The following ADCY10 variants were observed in gnomAD, a reference collection of about 807,000 sequenced individuals.
ADCY10 encodes the protein adenylate cyclase 10.
A neutral mutation model predicts 183.3 loss-of-function variants in ADCY10; 156 were observed. That is an observed-to-expected ratio of 0.85 (90% CI 0.75 to 0.97). The LOEUF is 0.97. Among genes scored for constraint, ADCY10 ranks in the 50% least tolerant of loss-of-function variants. The pLI, the probability that ADCY10 is intolerant of heterozygous loss-of-function variation, is 0.00. For synonymous variants in ADCY10, 645 were observed against 670.0 expected (o/e 0.96, Z 0.58); for missense variants, 1,745 against 1,934.3 (o/e 0.90, Z 1.84).
chr1:167,870,396 T>A lies in ADCY10; in HGVS notation c.1477A>T (p.Ile493Phe). Residue 493 changes from isoleucine to phenylalanine, a missense_variant, in exon 14 of 33, where the codon ATC becomes TTC. Transcript: ENST00000367851. The part of the protein sequence containing the change: ...DYPLLGRNKE[I>F]NYFMYTMKKF... ...TTCATAGTATACATGAAGTAGTTGA[T>A]CTCTTTATTACGTCCTGTTATTTTT... 6.2e-7 allele frequency: 1 copy of A among 1,610,014 alleles called. No homozygotes were observed. The highest frequency in any genetic ancestry group is 8.5e-7 in the Non-Finnish European group (1 of 1,176,560).
chr1:167,854,039 A>G (rs1427415992), intron 18 of ADCY10, among the ~76,000 whole-genome samples: 2 of 151,812 alleles, frequency 1.3e-5, no homozygotes, highest in Non-Finnish European at 2.9e-5. Context: ...GGGTTTCACC[A>G]TGTTGGCCAG....
intron 30 of ADCY10, among the ~76,000 whole-genome samples, chr1:167,819,079 C>T (rs1662708356): frequency 6.6e-6 from 1 of 151,916 alleles, no homozygotes; most frequent in African/African-American, 2.4e-5. Flanking sequence ...AGTTAACAAG[C>T]TCTCCAGGTG....
Position 167,854,375 on chromosome 1 carries a change from A to G in ADCY10, c.2286T>C (p.Asn762=), listed in dbSNP as rs773912746. The part of the protein sequence containing the change: ...FQQTESEEKT[N]RTWNNLFKYS... The stretch of plus-strand genomic sequence containing the variant: ...TACTGAACAGGTTATTCCAGGTCCT[A>G]TTTGTCTTTTCCTCAGACTCCGTTT... The change falls in exon 18 of 33, where the codon AAT becomes AAC. Residue 762 remains asparagine (N), a synonymous_variant. Transcript: ENST00000367851. The G allele has an allele frequency of 1.4e-5, 23 of 1,613,974 alleles. No individual in the cohort carries two copies. The highest frequency in any genetic ancestry group is 1.9e-5 in the Non-Finnish European group (22 of 1,179,996).
intron 21 of ADCY10, among the ~76,000 whole-genome samples, chr1:167,838,893 C>T (rs1241212171): frequency 6.6e-6 from 1 of 152,208 alleles, no homozygotes; most frequent in Non-Finnish European, 1.5e-5. Flanking sequence ...TCCATTTTCT[C>T]AAGACAAAAA....
chr1:167,879,147 C>T (rs1380164452), intron 11 of ADCY10, among the ~76,000 whole-genome samples: 2 of 152,190 alleles, frequency 1.3e-5, no homozygotes, highest in Admixed American at 6.5e-5. Flanking sequence ...GCAGACTGTG[C>T]AGGGTTGAAC....
intron 26 of ADCY10, among the ~76,000 whole-genome samples, chr1:167,827,727 T>G (rs949452181): frequency 6.6e-6 from 1 of 151,886 alleles, no homozygotes. Flanking sequence ...AAATTTTTTT[T>G]TTTGAGTTGG....
At position 167,904,985 on chromosome 1, in the gene ADCY10, G is replaced by T; in HGVS notation, c.148+8C>A. 1 of 1,614,170 alleles carries T rather than the reference G, an allele frequency of 6.2e-7. No homozygotes were observed. The highest frequency in any genetic ancestry group is 2.2e-5 in the East Asian group (1 of 44,878). ...TCCACATTAAACAAACATCCCTTTT[G>T]CACTTGCCTGAAATATCAACAAACA... On this transcript the variant is annotated splice_region_variant and intron_variant, in intron 2 of 32. Coordinates refer to ENST00000367851, the MANE Select transcript of ADCY10 (RefSeq NM_018417.6).
At chr1:167,901,902 C>T in intron 4 of ADCY10, 97 bp from the exon 5 acceptor site, 2 of 1,609,638 alleles carry the variant, frequency 1.2e-6, no homozygotes, top group Non-Finnish European at 1.7e-6. Context: ...AAGCATTCCT[C>T]AGCCTATCTC....
chr1:167,857,217 C>T (rs1665976072), intron 16 of ADCY10, among the ~76,000 whole-genome samples: 1 of 152,226 alleles, frequency 6.6e-6, no homozygotes. Context: ...CTGCTCCAGA[C>T]TGCTAATGGC....
In ADCY10 at chr1:167,880,200, G is replaced by A. The variant is rs1424784130; in HGVS notation, c.1140-9C>T. The A allele has an allele frequency of 6.2e-7, 1 of 1,609,742 alleles. No individual in the cohort carries two copies. Among genetic ancestry groups the A allele is most frequent in the Admixed American group, 1.7e-5 (1 of 59,722 alleles). On this transcript the variant is annotated splice_polypyrimidine_tract_variant and intron_variant, in intron 10 of 32. Transcript: ENST00000367851. Reference sequence around the variant, plus strand: ...CACCGATGGATACAGTTCTGGTGCAGGGGAGACAAGATTTGTGGGGAAAGA... The same window carrying A: ...CACCGATGGATACAGTTCTGGTGCAAGGGAGACAAGATTTGTGGGGAAAGA...
chr1:167,868,937 A>G (rs1281949720), intron 14 of ADCY10, among the ~76,000 whole-genome samples: 1 of 152,202 alleles, frequency 6.6e-6, no homozygotes, highest in African/African-American at 2.4e-5. Context: ...GCCCGGCAAG[A>G]AACTCAGATA....
intron 1 of ADCY10, 126 bp from the exon 2 acceptor site, chr1:167,905,324 G>C: frequency 1.3e-6 from 1 of 745,770 alleles, no homozygotes. Context: ...CAGAGTTGTT[G>C]AGCCACACTT....
chr1:167,880,683 A>G, intron 9 of ADCY10, 74 bp from the exon 10 acceptor site: 5 of 1,168,802 alleles, frequency 4.3e-6, no homozygotes, highest in Non-Finnish European at 6.4e-6. Flanking sequence ...AAGGCTCAAC[A>G]GAGAGCCGGC....
chr1:167,912,363 C>T (rs1259117497), intron 1 of ADCY10, among the ~76,000 whole-genome samples: 1 of 152,212 alleles, frequency 6.6e-6, no homozygotes, highest in African/African-American at 2.4e-5. Flanking sequence ...ATGGCGATTC[C>T]GGAGGCCTTC....
Position 167,818,108 on chromosome 1 carries a change from T to C in ADCY10, c.4446A>G (p.Ser1482=), listed in dbSNP as rs1304505308. ...LHLQKQIKEQ[S]ENAQASGEEL... is the part of the protein sequence containing the mutation. Reference sequence around the variant, plus strand: ...CCTCCCCACTGGCTTGGGCATTCTCTGACTGTTCTTTGATTTGTTTTTGAA... The same window carrying C: ...CCTCCCCACTGGCTTGGGCATTCTCCGACTGTTCTTTGATTTGTTTTTGAA... The change falls in exon 31 of 33, where the codon TCA becomes TCG. Residue 1482 remains serine (S), a synonymous_variant. Transcript: ENST00000367851. 5.0e-6 allele frequency: 8 copies of C among 1,614,224 alleles called. No individual in the cohort carries two copies. Among genetic ancestry groups the C allele is most frequent in the Non-Finnish European group, 6.8e-6 (8 of 1,180,022 alleles).
intron 21 of ADCY10, among the ~76,000 whole-genome samples, chr1:167,840,800 CA>C (rs1664568827): frequency 6.6e-6 from 1 of 151,856 alleles, no homozygotes; most frequent in South Asian, 2.1e-4. Flanking sequence ...AAGAGAAAAG[CA>C]AAGATATCAC....
At chr1:167,813,356 A>G (rs1662333704) in intron 31 of ADCY10, among the ~76,000 whole-genome samples, 1 of 152,112 alleles carries the variant, frequency 6.6e-6, no homozygotes, top group Non-Finnish European at 1.5e-5. Context: ...CATTCAAAAT[A>G]TTAAAAAAAC....
At chr1:167,907,398 T>A (rs1669890537) in intron 1 of ADCY10, among the ~76,000 whole-genome samples, 1 of 152,240 alleles carries the variant, frequency 6.6e-6, no homozygotes, top group African/African-American at 2.4e-5. Context: ...CCCTTGTGGG[T>A]TGTATGGGGT....
At chr1:167,856,587 C>G (rs1046205798) in intron 16 of ADCY10, 148 bp from the exon 17 acceptor site, 22 of 802,848 alleles carry the variant, frequency 2.7e-5, no homozygotes, top group Non-Finnish European at 4.1e-5. Context: ...TTTCCAGTAA[C>G]TTTGCATTCA....
Sources: allele counts gnomAD v4.1 joint callset (sites outside exome capture counted in the v4.1 genomes callset), GRCh38; gene constraint gnomAD v4.1.1; transcripts MANE v1.5; gene names NCBI Gene and HGNC (gene_info 2026-07-23, HGNC 2026-07-21).